CDK5RAP2: variants seen among roughly 807,000 people sequenced by gnomAD.
CDK5RAP2 encodes the protein CDK5 regulatory subunit associated protein 2, also known as CDK5 regulatory subunit-associated protein 2.
Under a neutral mutation model 232.9 loss-of-function variants are expected in CDK5RAP2, and 147 were observed. The observed-to-expected ratio is 0.63, with a 90% CI of 0.55 to 0.72. CDK5RAP2 has a LOEUF of 0.72. Among genes scored for constraint, CDK5RAP2 ranks in the 30% least tolerant of loss-of-function variants. The pLI is 0.00. For missense variants in CDK5RAP2, 2,195 were observed against 2,231.5 expected, an observed-to-expected ratio of 0.98 and a Z score of 0.33; for synonymous variants, 833 against 833.7, an observed-to-expected ratio of 1.00 and a Z score of 0.01.
chr9:120,406,793 C>A, intron 32 of CDK5RAP2: 1 of 581,488 alleles, frequency 1.7e-6, no homozygotes, highest in Non-Finnish European at 3.1e-6. Context: ...AATTCCACTT[C>A]CCTGAGAATC....
At position 120,453,795 on chromosome 9, in the gene CDK5RAP2, G is replaced by T. The variant is rs1362878953; in HGVS notation, c.2454C>A (p.His818Gln). 3 of 1,614,134 alleles carry T rather than the reference G, an allele frequency of 1.9e-6. No homozygotes were observed. The highest frequency in any genetic ancestry group is 3.3e-5 in the Admixed American group (2 of 60,026). The change falls in exon 21 of 38, where the codon CAC becomes CAA. Residue 818 changes from histidine to glutamine, a missense_variant. Coordinates refer to ENST00000349780, the MANE Select transcript of CDK5RAP2 (RefSeq NM_018249.6). The part of the protein sequence containing the change: ...FLTEQEVSGE[H>Q]LDGKTEKTPK... ...GTGTCTTCTCAGTTTTACCATCAAG[G>T]TGTTCTCCAGAAACTTCCTGCTCTG...
chr9:120,446,170 ATGGG>A (rs1329174042), intron 22 of CDK5RAP2, among the ~76,000 whole-genome samples: 8 of 152,170 alleles, frequency 5.3e-5, no homozygotes, highest in Non-Finnish European at 8.8e-5. Flanking sequence ...ATGCAAACAA[ATGGG>A]TGTGGCTGTG....
At chr9:120,391,045 G>A (rs985032182) in intron 36 of CDK5RAP2, among the ~76,000 whole-genome samples, 1 of 152,126 alleles carries the variant, frequency 6.6e-6, no homozygotes, top group African/African-American at 2.4e-5. Flanking sequence ...GGATATGTTT[G>A]GGGGGTCAGT....
intron 3 of CDK5RAP2, among the ~76,000 whole-genome samples, chr9:120,565,499 C>A (rs1466142355): frequency 6.6e-6 from 1 of 152,066 alleles, no homozygotes; most frequent in African/African-American, 2.4e-5. Flanking sequence ...AGGACAAAAA[C>A]CAAACAAAGC....
chr9:120,576,019 G>C (rs2043019728), intron 1 of CDK5RAP2, among the ~76,000 whole-genome samples: 1 of 152,244 alleles, frequency 6.6e-6, no homozygotes, highest in African/African-American at 2.4e-5. Flanking sequence ...CTTCATCCTT[G>C]AAATGTTTTC....
At position 120,439,415 on chromosome 9, in the gene CDK5RAP2, C is replaced by T; in HGVS notation, c.3706G>A (p.Asp1236Asn). Reference protein sequence around the residue: ...EIHNLQNKFRDLSPPRYDSLV... With the variant: ...EIHNLQNKFRNLSPPRYDSLV... ...GGAACGTACCTGGGAGGTGAGAGAT[C>T]TCTGAACTTATTCTGCAGATTATGG... Residue 1236 changes from aspartate (D) to asparagine (N), a missense_variant, in exon 24 of 38, where the codon GAT becomes AAT. Coordinates refer to ENST00000349780, the MANE Select transcript of CDK5RAP2 (RefSeq NM_018249.6). The T allele has an allele frequency of 1.2e-6, 2 of 1,614,072 alleles. No individual in the cohort carries two copies. Among genetic ancestry groups the T allele is most frequent in the Non-Finnish European group, 8.5e-7 (1 of 1,179,954 alleles).
intron 7 of CDK5RAP2, among the ~76,000 whole-genome samples, chr9:120,535,387 T>G (rs1018770598): frequency 6.6e-6 from 1 of 152,106 alleles, no homozygotes; most frequent in Non-Finnish European, 1.5e-5. Context: ...CAGACAAGAG[T>G]TGAGGAACCC....
intron 20 of CDK5RAP2, among the ~76,000 whole-genome samples, chr9:120,457,457 G>T (rs1588390990): frequency 6.6e-6 from 1 of 152,248 alleles, no homozygotes; most frequent in East Asian, 1.9e-4. Flanking sequence ...AACTACTACG[G>T]TCACCTAACT....
At chr9:120,474,473 T>C (rs150884755) in intron 15 of CDK5RAP2, among the ~76,000 whole-genome samples, 106 of 152,236 alleles carry the variant, frequency 7.0e-4, no homozygotes, top group African/African-American at 2.4e-3. Context: ...GCACAGGACA[T>C]GCCCTCATGA....
At chr9:120,479,028 T>A (rs1029326197) in intron 14 of CDK5RAP2, among the ~76,000 whole-genome samples, 1 of 152,154 alleles carries the variant, frequency 6.6e-6, no homozygotes, top group African/African-American at 2.4e-5. Flanking sequence ...AATGCTTAAA[T>A]AATGATGGAA....
At chr9:120,404,783 A>T (rs1028705670) in intron 32 of CDK5RAP2, among the ~76,000 whole-genome samples, 1 of 152,178 alleles carries the variant, frequency 6.6e-6, no homozygotes, top group East Asian at 1.9e-4. Flanking sequence ...GTAACCCACA[A>T]TAGGATCTGG....
At chr9:120,443,239 T>G (rs2131348769) in intron 23 of CDK5RAP2, among the ~76,000 whole-genome samples, 1 of 152,124 alleles carries the variant, frequency 6.6e-6, no homozygotes, top group South Asian at 2.1e-4. Flanking sequence ...CAAGCACACC[T>G]CAGCAACAGG....
chr9:120,511,414 G>C (rs1433997301), intron 12 of CDK5RAP2, among the ~76,000 whole-genome samples: 1 of 152,180 alleles, frequency 6.6e-6, no homozygotes, highest in African/African-American at 2.4e-5. Context: ...GCTAGATATA[G>C]TCCCAGGGAC....
chr9:120,411,259 G>T, intron 29 of CDK5RAP2, 99 bp downstream of exon 29: 1 of 791,966 alleles, frequency 1.3e-6, no homozygotes. Context: ...AGAGCCACAG[G>T]ATTCATACTT....
At position 120,518,406 on chromosome 9, in the gene CDK5RAP2, GAA is replaced by G; in HGVS notation, c.1311+19_1311+20del. 1 of 1,603,714 alleles carries G rather than the reference GAA, an allele frequency of 6.2e-7. No homozygotes were observed. The highest frequency in any genetic ancestry group is 8.5e-7 in the Non-Finnish European group (1 of 1,171,628). ...CCCAAAAGCACTGTCCACTGTGTCA[GAA>G]GGGCAGGGCGGTACTCACACGGATG... is the stretch of plus-strand genomic sequence containing the variant. On this transcript the variant is annotated intron_variant, in intron 12 of 37. Coordinates refer to ENST00000349780, the MANE Select transcript of CDK5RAP2 (RefSeq NM_018249.6).
intron 25 of CDK5RAP2, among the ~76,000 whole-genome samples, chr9:120,432,851 T>G (rs2035364195): frequency 6.6e-6 from 1 of 152,150 alleles, no homozygotes; most frequent in South Asian, 2.1e-4. Flanking sequence ...GTGAGAGCCT[T>G]CAAGAAGAGG....
intron 22 of CDK5RAP2, among the ~76,000 whole-genome samples, chr9:120,446,096 C>T (rs746111970): frequency 2.6e-5 from 4 of 152,158 alleles, no homozygotes; most frequent in African/African-American, 7.2e-5. Context: ...GCTTTGCAGG[C>T]CATAGAGTCT....
rs1286292846 is a variant in CDK5RAP2 at position 120,530,067 on chromosome 9, G to T, written c.736C>A (p.Gln246Lys). 3 of 1,613,910 alleles carry T rather than the reference G, an allele frequency of 1.9e-6. No individual in the cohort carries two copies. The highest frequency in any genetic ancestry group is 1.6e-4 in the Middle Eastern group (1 of 6,062). ...ACATTCTCATCAGGACATGCCATCT[G>T]AGATTTCTCCTCTTTAAGGCACTGA... ...LIQCLKEEKS[Q>K]MACPDENVSS... The change falls in exon 8 of 38, where the codon CAG becomes AAG. Residue 246 changes from glutamine to lysine, a missense_variant. Gln to Lys is a moderately conservative substitution (Grantham distance 53). Coordinates refer to ENST00000349780, the MANE Select transcript of CDK5RAP2 (RefSeq NM_018249.6).
Position 120,487,286 on chromosome 9 carries a change from A to G in CDK5RAP2, c.1626+8T>C. On this transcript the variant is annotated splice_region_variant and intron_variant, in intron 14 of 37. Transcript: ENST00000349780. The stretch of plus-strand genomic sequence containing the variant: ...CGCATGTGAATGTCCAATTTCAGTC[A>G]AGCTTACCTTAGAGAAGATGGTTTT... 6.2e-7 allele frequency: 1 copy of G among 1,614,048 alleles called. No homozygotes were observed. The highest frequency in any genetic ancestry group is 8.5e-7 in the Non-Finnish European group (1 of 1,179,984).
Sources: gnomAD v4.1 joint callset for allele counts (sites outside exome capture counted in the v4.1 genomes callset) on GRCh38, gnomAD v4.1.1 for gene constraint, MANE v1.5 for transcripts, NCBI Gene and HGNC (gene_info 2026-07-23, HGNC 2026-07-21) for gene names.